Variants in UMAD1 observed in about 807,000 individuals in gnomAD.
The protein encoded by UMAD1 is UBAP1-MVB12-associated (UMA)-domain containing protein 1.
Under a neutral mutation model 6.1 loss-of-function variants are expected in UMAD1, and 8 were observed. The observed-to-expected ratio is 1.30, with a 90% confidence interval of 0.76 to 2.35. The LOEUF (loss-of-function observed/expected upper bound fraction) is 2.35. Ranked by LOEUF, UMAD1 falls within the 30% of genes most tolerant of loss-of-function variation. UMAD1 has a pLI of 0.00. For synonymous variants in UMAD1, 56 were observed against 31.4 expected (o/e 1.78, Z -2.61); for missense variants, 130 against 78.4 (o/e 1.66, Z -2.49).
intron 2 of UMAD1, among the ~76,000 whole-genome samples, chr7:7,732,290 C>T (rs1224558154): frequency 6.6e-6 from 1 of 151,926 alleles, no homozygotes; most frequent in African/African-American, 2.4e-5. Context: ...TCCTTAACTT[C>T]TATAATCAAT....
chr7:7,801,318 A>G (rs1361115072), intron 2 of UMAD1, among the ~76,000 whole-genome samples: 1 of 152,264 alleles, frequency 6.6e-6, no homozygotes, highest in Non-Finnish European at 1.5e-5. Context: ...TATCCATATC[A>G]TAAAAGAGTT....
At chr7:7,690,152 T>C (rs1780139960) in intron 2 of UMAD1, among the ~76,000 whole-genome samples, 1 of 152,214 alleles carries the variant, frequency 6.6e-6, no homozygotes, top group Non-Finnish European at 1.5e-5. Context: ...GCTATGTTAT[T>C]AAGTCAGCAA....
At chr7:7,646,733 T>C (rs1785104084) in intron 1 of UMAD1, among the ~76,000 whole-genome samples, 1 of 151,980 alleles carries the variant, frequency 6.6e-6, no homozygotes, top group Admixed American at 6.6e-5. Context: ...GGCTGTCCCA[T>C]GGCCAATCTC....
chr7:7,762,729 G>A (rs898842367), intron 2 of UMAD1, among the ~76,000 whole-genome samples: 2 of 152,088 alleles, frequency 1.3e-5, no homozygotes, highest in Non-Finnish European at 2.9e-5. Flanking sequence ...AACATCACTC[G>A]AAGACTGAGT....
intron 2 of UMAD1, among the ~76,000 whole-genome samples, chr7:7,707,453 T>A (rs1780634480): frequency 6.6e-6 from 1 of 152,214 alleles, no homozygotes; most frequent in South Asian, 2.1e-4. Flanking sequence ...CATTTAAACA[T>A]GTTGAACGTA....
chr7:7,823,682 T>C (rs957256958), intron 3 of UMAD1, among the ~76,000 whole-genome samples: 6 of 152,160 alleles, frequency 3.9e-5, no homozygotes, highest in African/African-American at 7.2e-5. Context: ...GAAAAACATA[T>C]TAGCGTATAT....
chr7:7,836,575 G>A (rs189833790), intron 3 of UMAD1, among the ~76,000 whole-genome samples: 2 of 151,766 alleles, frequency 1.3e-5, no homozygotes, highest in Admixed American at 6.6e-5. Context: ...TCAGATATTG[G>A]TATATCTCAT....
intron 2 of UMAD1, among the ~76,000 whole-genome samples, chr7:7,783,477 G>A (rs1782392676): frequency 6.6e-6 from 1 of 152,074 alleles, no homozygotes; most frequent in South Asian, 2.1e-4. Flanking sequence ...ACGAGGCTGG[G>A]AAGTGAGAAT....
intron 1 of UMAD1, among the ~76,000 whole-genome samples, chr7:7,648,380 T>G (rs1204330144): frequency 2.0e-5 from 3 of 152,344 alleles, no homozygotes; most frequent in Non-Finnish European, 1.5e-5. Flanking sequence ...CAGCTTTAAC[T>G]TTTTTTGTAT....
At chr7:7,854,644 G>T (rs1783981094) in intron 3 of UMAD1, among the ~76,000 whole-genome samples, 1 of 152,152 alleles carries the variant, frequency 6.6e-6, no homozygotes, top group Admixed American at 6.5e-5. Context: ...TACAATTCAA[G>T]ATGAGATTTG....
At position 7,746,810 on chromosome 7, in the gene UMAD1, C is replaced by G. The variant is rs367795099; in HGVS notation, c.83-54860C>G. Among the ~76,000 whole-genome samples, 27 of 152,216 alleles carry G rather than the reference C, an allele frequency of 1.8e-4. No homozygotes were observed. In the East Asian group the frequency reaches 2.1e-3, roughly 12 times the overall value. On this transcript the variant is annotated intron_variant, in intron 2 of 3. Coordinates refer to ENST00000682710, the MANE Select transcript of UMAD1 (RefSeq NM_001302348.2). ...GCCACCTTATTTAAAGAATTTCAAACACAACTTGAGAATGCCTTATTATTG... is the reference window on the plus strand; with the variant it reads ...GCCACCTTATTTAAAGAATTTCAAAGACAACTTGAGAATGCCTTATTATTG...
intron 3 of UMAD1, among the ~76,000 whole-genome samples, chr7:7,827,323 A>G (rs1357613965): frequency 6.6e-6 from 1 of 152,148 alleles, no homozygotes; most frequent in Non-Finnish European, 1.5e-5. Flanking sequence ...GCAGTGGCCA[A>G]CGAAGGTCTG....
intron 2 of UMAD1, among the ~76,000 whole-genome samples, chr7:7,745,533 A>G (rs1344523076): frequency 7.1e-6 from 1 of 140,908 alleles, no homozygotes; most frequent in African/African-American, 2.8e-5. Flanking sequence ...AATGTACTAG[A>G]CACTGTGACC....
At chr7:7,712,646 C>G (rs976858387) in intron 2 of UMAD1, among the ~76,000 whole-genome samples, 3 of 152,120 alleles carry the variant, frequency 2.0e-5, no homozygotes, top group African/African-American at 4.8e-5. Context: ...TTGTTTCATT[C>G]AAATCCTTGT....
chr7:7,643,717 AAAAAAAAACAAACAAACG>A lies in UMAD1; in HGVS notation c.-64+2905_-64+2922del, dbSNP rs1311037371. Among the ~76,000 whole-genome samples, 376 of 32,360 alleles carry A rather than the reference AAAAAAAAACAAACAAACG, an allele frequency of 0.012. 9 individuals are homozygous for A. In the East Asian group the frequency reaches 0.22, roughly 19 times the overall value. The allele number at this position is 32,360 out of a possible 152,430, so 21.2% of individuals were successfully genotyped here. On this transcript the variant is annotated intron_variant, in intron 1 of 3. Transcript: ENST00000682710. ...ACAGAGCGAGACTCCCTCTCAAAAA[AAAAAAAAACAAACAAACG>A]AAAAAAAAAGGATCAACGGTTAAAT... is the stretch of plus-strand genomic sequence containing the variant.
intron 2 of UMAD1, among the ~76,000 whole-genome samples, chr7:7,710,555 C>T (rs946416512): frequency 6.6e-6 from 1 of 151,972 alleles, no homozygotes; most frequent in Admixed American, 6.6e-5. Flanking sequence ...AGTAATAACA[C>T]CAAATGCTGG....
intron 1 of UMAD1, among the ~76,000 whole-genome samples, chr7:7,646,370 C>T (rs538816089): frequency 1.3e-3 from 191 of 151,488 alleles, no homozygotes; most frequent in Admixed American, 2.7e-3. Flanking sequence ...GGGAGGGACC[C>T]GATGAGAGAT....
chr7:7,655,156 A>C (rs1428870053), intron 1 of UMAD1, among the ~76,000 whole-genome samples: 1 of 152,040 alleles, frequency 6.6e-6, no homozygotes, highest in African/African-American at 2.4e-5. Context: ...GGCAGTTGAG[A>C]TTATCAAATG....
At chr7:7,761,272 G>A (rs1176243955) in intron 2 of UMAD1, among the ~76,000 whole-genome samples, 1 of 150,336 alleles carries the variant, frequency 6.7e-6, no homozygotes, top group African/African-American at 2.5e-5. Context: ...GGCTGATTTA[G>A]GAGACTCACC....
Sources: gnomAD v4.1 joint callset for allele counts (sites outside exome capture counted in the v4.1 genomes callset) on GRCh38, gnomAD v4.1.1 for gene constraint, MANE v1.5 for transcripts, NCBI Gene and HGNC (gene_info 2026-07-23, HGNC 2026-07-21) for gene names.